Variants in MRPL43 observed in about 807,000 individuals in gnomAD.
The protein encoded by MRPL43 is large ribosomal subunit protein mL43.
MRPL43 carries 9 observed loss-of-function variants against 12.7 expected under a neutral mutation model. The observed-to-expected ratio is 0.71, with a 90% confidence interval of 0.43 to 1.24. MRPL43 has a LOEUF of 1.24. Among genes scored for constraint, MRPL43 ranks in the 50% most tolerant of loss-of-function variants. The pLI is 0.00. For missense variants in MRPL43, 211 were observed against 229.2 expected, an observed-to-expected ratio of 0.92 and a Z score of 0.51; for synonymous variants, 116 against 96.4, an observed-to-expected ratio of 1.20 and a Z score of -1.19.
chr10:100,981,525 C>G, downstream of MRPL43: 3 of 1,614,024 alleles, frequency 1.9e-6, no homozygotes, highest in Non-Finnish European at 2.5e-6. Context: ...CAAGGAAGAT[C>G]GGATGACTGA....
At chr10:100,983,162 T>C (rs562794292), downstream of MRPL43, 39 of 1,026,312 alleles carry the variant, frequency 3.8e-5, no homozygotes, top group East Asian at 1.0e-3. Context: ...TGTGGAAGCA[T>C]GAGCACAGAG....
At chr10:100,981,589 GTATT>G, downstream of MRPL43, 1 of 1,606,768 alleles carries the variant, frequency 6.2e-7, no homozygotes, top group Non-Finnish European at 8.5e-7. Flanking sequence ...GATGTATTAA[GTATT>G]TACTGTGTGC....
chr10:100,981,064 G>T, downstream of MRPL43: 1 of 1,601,776 alleles, frequency 6.2e-7, no homozygotes, highest in African/African-American at 1.3e-5. Flanking sequence ...GATAGCTACT[G>T]GGGGAGTGCA....
At chr10:100,978,411 C>A (rs776242101), downstream of MRPL43, 4 of 1,608,882 alleles carry the variant, frequency 2.5e-6, no homozygotes, top group Non-Finnish European at 3.4e-6. Context: ...TCTTCCCTAT[C>A]ACAGACATGG....
chr10:100,978,797 G>T, downstream of MRPL43: 1 of 1,597,660 alleles, frequency 6.3e-7, no homozygotes, highest in Non-Finnish European at 8.6e-7. Flanking sequence ...CAGAGTGAGG[G>T]AAAGGAATCC....
At chr10:100,984,398 G>C, downstream of MRPL43, 3 of 1,457,326 alleles carry the variant, frequency 2.1e-6, no homozygotes, top group Non-Finnish European at 2.7e-6. Context: ...CAGACCCAGA[G>C]CCAGTTCCTA....
downstream of MRPL43, among the ~76,000 whole-genome samples, chr10:100,982,517 G>C (rs1851148223): frequency 6.6e-6 from 1 of 152,234 alleles, no homozygotes; most frequent in African/African-American, 2.4e-5. Context: ...GAAGGGCCGG[G>C]CACGGTGGCT....
At chr10:100,978,869 G>C (rs138710515), downstream of MRPL43, 3 of 1,614,126 alleles carry the variant, frequency 1.9e-6, no homozygotes, top group Non-Finnish European at 2.5e-6. Flanking sequence ...TGTGTTCTCC[G>C]TCCTCGTGCG....
downstream of MRPL43, chr10:100,980,044 G>A: frequency 1.9e-6 from 3 of 1,613,790 alleles, no homozygotes; most frequent in Non-Finnish European, 2.5e-6. Flanking sequence ...CCAGGGAAGG[G>A]TCAAAGGGTC....
chr10:100,985,849 A>G (rs1227285324), downstream of MRPL43: 1 of 152,412 alleles, frequency 6.6e-6, no homozygotes, highest in Non-Finnish European at 1.5e-5. Flanking sequence ...GCATGACAAG[A>G]AAATGACAAC....
At chr10:100,981,398 T>C (rs1851065098), downstream of MRPL43, 1 of 1,612,894 alleles carries the variant, frequency 6.2e-7, no homozygotes, top group Non-Finnish European at 8.5e-7. Flanking sequence ...AAACATTTAC[T>C]GCCCAAATGA....
chr10:100,984,042 C>A (rs1590001329), downstream of MRPL43: 1 of 1,613,632 alleles, frequency 6.2e-7, no homozygotes, highest in Non-Finnish European at 8.5e-7. Flanking sequence ...ACCAGCAGGG[C>A]CCTGCTCCTT....
chr10:100,982,319 A>G (rs1305061361), downstream of MRPL43, among the ~76,000 whole-genome samples: 1 of 152,180 alleles, frequency 6.6e-6, no homozygotes, highest in Non-Finnish European at 1.5e-5. Flanking sequence ...CCGAAAAGCA[A>G]TAGGAAACCT....
In MRPL43 at chr10:100,986,918, G is replaced by T; in HGVS notation, c.296C>A (p.Thr99Lys). ...CTGGTCGGCCAGCTTCTGCACCAGC[G>T]TCGAGATCTCCTCGACCGACTTGCA... ...IHCKSVEEIS[T>K]LVQKLADQSG... Residue 99 changes from threonine (T) to lysine (K), a missense_variant, in exon 3 of 3, where the codon ACG (threonine) becomes AAG (lysine). By Grantham distance (78) the Thr-to-Lys change is moderately conservative. Transcript: ENST00000318364. 6.2e-7 allele frequency: 1 copy of T among 1,611,046 alleles called. No individual in the cohort carries two copies. Among genetic ancestry groups the T allele is most frequent in the Non-Finnish European group, 8.5e-7 (1 of 1,180,002 alleles).
In MRPL43 at chr10:100,986,970, C is replaced by G. The variant is rs907045234; in HGVS notation, c.244G>C (p.Gly82Arg). The G allele has an allele frequency of 6.2e-7, 1 of 1,606,226 alleles. No individual in the cohort carries two copies. Among genetic ancestry groups the G allele is most frequent in the African/African-American group, 1.3e-5 (1 of 75,044 alleles). Residue 82 changes from glycine to arginine, a missense_variant, in exon 3 of 3, where the codon GGG becomes CGG. Transcript: ENST00000318364. ...VPRVVAEYLN[G>R]AVREESIHCK... ...TGGATGCTCTCCTCGCGCACAGCCC[C>G]GTTAACTGGCAGAAGAGGGGTGAGA...
At chr10:100,980,649 A>T (rs1384559788), downstream of MRPL43, 1 of 1,614,090 alleles carries the variant, frequency 6.2e-7, no homozygotes, top group Non-Finnish European at 8.5e-7. Context: ...ACAAGTGTTC[A>T]GGGAGTCCCA....
chr10:100,980,076 C>T, downstream of MRPL43: 1 of 1,612,534 alleles, frequency 6.2e-7, no homozygotes, highest in Non-Finnish European at 8.5e-7. Flanking sequence ...AGAGGGCAGG[C>T]AGGTGGTGGA....
At chr10:100,978,417 C>T, downstream of MRPL43, 3 of 1,607,882 alleles carry the variant, frequency 1.9e-6, no homozygotes, top group Non-Finnish European at 2.6e-6. Context: ...CTATCACAGA[C>T]ATGGTATTTT....
At chr10:100,979,340 G>A (rs753415545), downstream of MRPL43, 93 of 1,613,648 alleles carry the variant, frequency 5.8e-5, no homozygotes, top group Non-Finnish European at 7.5e-5. Flanking sequence ...AGGTCAATGA[G>A]GATGAGATAG....
Sources: allele counts gnomAD v4.1 joint callset (sites outside exome capture counted in the v4.1 genomes callset), GRCh38; gene constraint gnomAD v4.1.1; transcripts MANE v1.5; gene names NCBI Gene and HGNC (gene_info 2026-07-23, HGNC 2026-07-21).